Variants in PKD1L1 observed in about 807,000 individuals in gnomAD.
PKD1L1 encodes the protein polycystin 1 like 1, transient receptor potential channel interacting.
A neutral mutation model predicts 323.4 loss-of-function variants in PKD1L1; 236 were observed. That is an observed-to-expected ratio of 0.73 (90% CI 0.66 to 0.81). PKD1L1 has a LOEUF of 0.81. Among genes scored for constraint, PKD1L1 ranks in the 40% least tolerant of loss-of-function variants. PKD1L1 has a pLI of 0.00. For missense variants in PKD1L1, 3,320 were observed against 3,508.0 expected (o/e 0.95, Z 1.35); for synonymous variants, 1,344 against 1,335.0 (o/e 1.01, Z -0.15).
intron 33 of PKD1L1, 107 bp downstream of exon 33, chr7:47,844,888 G>A: frequency 1.3e-6 from 1 of 779,480 alleles, no homozygotes; most frequent in Non-Finnish European, 2.0e-6. Flanking sequence ...TGCAATGATA[G>A]TAAGTAACAT....
intron 56 of PKD1L1, among the ~76,000 whole-genome samples, chr7:47,790,119 G>A (rs570036692): frequency 4.5e-4 from 69 of 152,050 alleles, no homozygotes; most frequent in African/African-American, 1.6e-3. Context: ...TCGATCTCCT[G>A]ACCTTGTGAT....
At chr7:47,829,308 A>T (rs1377678071) in intron 44 of PKD1L1, 117 bp downstream of exon 44, 1 of 992,650 alleles carries the variant, frequency 1.0e-6, no homozygotes, top group East Asian at 2.6e-5. Flanking sequence ...AAGACATCCC[A>T]TGGGTCTCCA....
chr7:47,833,702 G>A (rs1002507827), intron 40 of PKD1L1, among the ~76,000 whole-genome samples: 5 of 152,172 alleles, frequency 3.3e-5, no homozygotes, highest in African/African-American at 1.2e-4. Context: ...TGGAGCTGCC[G>A]CCAGAGAGTT....
chr7:47,936,806 G>A, intron 4 of PKD1L1, 40 bp downstream of exon 4: 1 of 1,432,054 alleles, frequency 7.0e-7, no homozygotes, highest in Non-Finnish European at 9.7e-7. Context: ...TCATTTGCAT[G>A]TTCAGAAAAG....
At chr7:47,846,801 C>G in intron 32 of PKD1L1, 78 bp downstream of exon 32, 6 of 1,363,070 alleles carry the variant, frequency 4.4e-6, no homozygotes, top group Non-Finnish European at 6.0e-6. Flanking sequence ...AGGAAAGGCT[C>G]TAGGGGTTGG....
chr7:47,790,616 T>C (rs201245180), intron 56 of PKD1L1, among the ~76,000 whole-genome samples: 5 of 152,130 alleles, frequency 3.3e-5, no homozygotes, highest in East Asian at 1.9e-4. Context: ...CAGGCGTGAG[T>C]CACCGCACCG....
chr7:47,940,315 C>A lies in PKD1L1; in HGVS notation c.163G>T (p.Val55Phe), dbSNP rs777845511. The A allele has an allele frequency of 3.1e-6, 5 of 1,608,756 alleles. No homozygotes were observed. The Admixed American group carries it at 5.1e-5, about 16-fold the overall frequency. Reference sequence around the variant, plus strand: ...ATAAGAAGCACATGATTAGCATAGACCTCTAGAGAAAAAAAAAAAAGCAAA... The same window carrying A: ...ATAAGAAGCACATGATTAGCATAGAACTCTAGAGAAAAAAAAAAAAGCAAA... ...SPPGGGLWVE[V>F]YANHVLLMSD... The change falls in exon 3 of 57, where the codon GTC becomes TTC. Residue 55 changes from valine (V) to phenylalanine (F), a missense_variant and splice_region_variant. Physicochemically the swap from Val to Phe is conservative, Grantham distance 50 (BLOSUM62 -1). Coordinates refer to ENST00000289672, the MANE Select transcript of PKD1L1 (RefSeq NM_138295.5).
At chr7:47,864,635 TC>T (rs1786117731) in intron 26 of PKD1L1, among the ~76,000 whole-genome samples, 2 of 135,582 alleles carry the variant, frequency 1.5e-5, no homozygotes, top group Admixed American at 7.5e-5. Flanking sequence ...TTTCTTTCTT[TC>T]CTTCCTTCCT....
At position 47,811,553 on chromosome 7, in the gene PKD1L1, G is replaced by A. The variant is rs186805274; in HGVS notation, c.7581+264C>T. On this transcript the variant is annotated intron_variant, in intron 50 of 56. Transcript: ENST00000289672. Reference sequence around the variant, plus strand: ...TCTAAACATCAGGCCCAATTCCCCCGTGATGAATTTGGTACCTCAAGACAG... The same window carrying A: ...TCTAAACATCAGGCCCAATTCCCCCATGATGAATTTGGTACCTCAAGACAG... Among the ~76,000 whole-genome samples the A allele has an allele frequency of 6.8e-4, 104 of 152,312 alleles. 1 individual carries two copies. The highest frequency in any genetic ancestry group is 2.1e-3 in the African/African-American group (87 of 41,568).
rs966757239 is a variant in PKD1L1 at position 47,809,513 on chromosome 7, C to A, written c.7646G>T (p.Gly2549Val). 1 of 1,609,516 alleles carries A rather than the reference C, an allele frequency of 6.2e-7. No individual in the cohort carries two copies. Among genetic ancestry groups the A allele is most frequent in the Non-Finnish European group, 8.5e-7 (1 of 1,178,160 alleles). The change falls in exon 51 of 57, where the codon GGC (glycine) becomes GTC (valine). Residue 2549 changes from glycine (G) to valine (V), a missense_variant. Coordinates refer to ENST00000289672, the MANE Select transcript of PKD1L1 (RefSeq NM_138295.5). ...TGGCTTTCGCCAGTAGCTGAGGACGCCCTTGTCCATCATACGGTAGAGTTG... is the reference window on the plus strand; with the variant it reads ...TGGCTTTCGCCAGTAGCTGAGGACGACCTTGTCCATCATACGGTAGAGTTG... ...CVQLYRMMDK[G>V]VLSYWRKPRN...
At chr7:47,850,700 A>G (rs1562958644) in intron 31 of PKD1L1, among the ~76,000 whole-genome samples, 1 of 151,940 alleles carries the variant, frequency 6.6e-6, no homozygotes, top group African/African-American at 2.4e-5. Context: ...AAGTGAACCT[A>G]GCTGTATATA....
chr7:47,858,879 A>T lies in PKD1L1; in HGVS notation c.4156T>A (p.Phe1386Ile), dbSNP rs1785963577. 1.2e-6 allele frequency: 2 copies of T among 1,613,492 alleles called. No homozygotes were observed. Among genetic ancestry groups the T allele is most frequent in the South Asian group, 2.2e-5 (2 of 91,062 alleles). The change falls in exon 27 of 57, where the codon TTT becomes ATT. Residue 1386 changes from phenylalanine to isoleucine, a missense_variant. Transcript: ENST00000289672. ...TTGAGGATGAGAACCGCACTCATAA[A>T]GCCTAGCTGCATGAACAGAAAAGAT... Reference protein sequence around the residue: ...DLVSFSNKLGFMSAVLILKYT... With the variant: ...DLVSFSNKLGIMSAVLILKYT...
chr7:47,931,974 T>G lies in PKD1L1; in HGVS notation c.481A>C (p.Thr161Pro). 6.2e-7 allele frequency: 1 copy of G among 1,614,022 alleles called. No individual in the cohort carries two copies. The highest frequency in any genetic ancestry group is 8.5e-7 in the Non-Finnish European group (1 of 1,179,936). Reference protein sequence around the residue: ...PRFHHRRLCATGTADSTFSAL... With the variant: ...PRFHHRRLCAPGTADSTFSAL... ...GAGAATGTGCTGTCTGCGGTCCCAG[T>G]AGCACACAGCCGCCTGTGATGGAAC... The change falls in exon 5 of 57, where the codon ACT becomes CCT. Residue 161 changes from threonine to proline, a missense_variant. By Grantham distance (38) the Thr-to-Pro change is conservative. Transcript: ENST00000289672.
At chr7:47,911,224 A>C (rs1468244034) in intron 8 of PKD1L1, among the ~76,000 whole-genome samples, 1 of 152,038 alleles carries the variant, frequency 6.6e-6, no homozygotes, top group Non-Finnish European at 1.5e-5. Flanking sequence ...AGTGTGTGGC[A>C]TCTCACTCTC....
intron 5 of PKD1L1, 123 bp downstream of exon 5, chr7:47,931,813 T>G (rs2128755937): frequency 7.7e-7 from 1 of 1,292,174 alleles, no homozygotes; most frequent in Admixed American, 2.4e-5. Flanking sequence ...GACTTAGAAA[T>G]GCAAAATATG....
chr7:47,909,390 G>A (rs539712686), intron 8 of PKD1L1, among the ~76,000 whole-genome samples: 1 of 152,186 alleles, frequency 6.6e-6, no homozygotes, highest in South Asian at 2.1e-4. Context: ...TCAGACGGCC[G>A]GTCTCCATCA....
In PKD1L1 at chr7:47,825,016, T is replaced by G. The variant is rs1024003457; in HGVS notation, c.6854+2334A>C. On this transcript the variant is annotated intron_variant, in intron 45 of 56. Transcript: ENST00000289672. Reference sequence around the variant, plus strand: ...CTATCATTGTGTAGAGACTTCAAATTTCCCCCATAGTGGCTGTACCATTTT... The same window carrying G: ...CTATCATTGTGTAGAGACTTCAAATGTCCCCCATAGTGGCTGTACCATTTT... Among the ~76,000 whole-genome samples, 3 of 152,310 alleles carry G rather than the reference T, an allele frequency of 2.0e-5. No individual in the cohort carries two copies. The East Asian group carries it at 5.8e-4, about 29-fold the overall frequency.
intron 8 of PKD1L1, 51 bp from the exon 9 acceptor site, chr7:47,908,301 T>C (rs1354695252): frequency 6.6e-7 from 1 of 1,520,872 alleles, no homozygotes; most frequent in African/African-American, 1.4e-5. Flanking sequence ...ATAACAAGCA[T>C]AACAGTTAAC....
At chr7:47,879,494 G>A (rs1280929954) in intron 21 of PKD1L1, among the ~76,000 whole-genome samples, 5 of 151,782 alleles carry the variant, frequency 3.3e-5, no homozygotes, top group Admixed American at 1.3e-4. Flanking sequence ...TTAGCCGGGC[G>A]TGGTGGCAGG....
Sources: gnomAD v4.1 joint callset for allele counts (sites outside exome capture counted in the v4.1 genomes callset) on GRCh38, gnomAD v4.1.1 for gene constraint, MANE v1.5 for transcripts, NCBI Gene and HGNC (gene_info 2026-07-23, HGNC 2026-07-21) for gene names.